Variants in TMEFF2 observed in about 807,000 individuals in gnomAD.
TMEFF2 encodes the protein transmembrane protein with EGF like and two follistatin like domains 2, also known as tomoregulin-2.
A neutral mutation model predicts 53.8 loss-of-function variants in TMEFF2; 28 were observed. The observed-to-expected ratio is 0.52, with a 90% CI of 0.39 to 0.71. TMEFF2 has a LOEUF of 0.71. Ranked by LOEUF, TMEFF2 falls within the 30% of genes least tolerant of loss-of-function variation. TMEFF2 has a pLI of 0.00. For synonymous variants in TMEFF2, 162 were observed against 166.3 expected (o/e 0.97, Z 0.20); for missense variants, 353 against 455.2 (o/e 0.78, Z 2.04).
chr2:192,047,769 C>A (rs188309518), intron 5 of TMEFF2, among the ~76,000 whole-genome samples: 12 of 152,248 alleles, frequency 7.9e-5, no homozygotes, highest in African/African-American at 2.9e-4. Flanking sequence ...TTTGTTCAAT[C>A]ATTTATTAGA....
At chr2:192,192,440 C>T (rs768495296) in intron 1 of TMEFF2, among the ~76,000 whole-genome samples, 1 of 152,106 alleles carries the variant, frequency 6.6e-6, no homozygotes, top group Non-Finnish European at 1.5e-5. Context: ...ACGACTGAAA[C>T]AACCCCTTAT....
At chr2:191,959,624 A>ATGTG (rs10687431) in intron 7 of TMEFF2, among the ~76,000 whole-genome samples, 148,662 of 152,118 alleles carry the variant, frequency 0.98, 72,690 homozygotes, top group Middle Eastern at 1. Context: ...CAGTATGTAC[A>ATGTG]TGTGTGTGTA....
At chr2:191,985,032 C>A (rs973105852) in intron 7 of TMEFF2, among the ~76,000 whole-genome samples, 7 of 152,064 alleles carry the variant, frequency 4.6e-5, no homozygotes, top group Non-Finnish European at 8.8e-5. Context: ...ATTATGCTAT[C>A]CAAATGAAAC....
chr2:192,107,611 A>G (rs1174972541), intron 4 of TMEFF2, among the ~76,000 whole-genome samples: 1 of 151,786 alleles, frequency 6.6e-6, no homozygotes, highest in Non-Finnish European at 1.5e-5. Context: ...CTGATAGTCT[A>G]TCAAAACAAG....
chr2:191,989,350 G>T (rs919277177), intron 7 of TMEFF2, among the ~76,000 whole-genome samples: 1 of 152,170 alleles, frequency 6.6e-6, no homozygotes, highest in Non-Finnish European at 1.5e-5. Context: ...GTTAGAGCAA[G>T]TTATGACAGT....
intron 4 of TMEFF2, among the ~76,000 whole-genome samples, chr2:192,089,414 T>TA (rs1177971814): frequency 1.3e-5 from 2 of 152,212 alleles, no homozygotes; most frequent in African/African-American, 4.8e-5. Context: ...GCTCTTGAAA[T>TA]TCTGTGATAA....
intron 5 of TMEFF2, among the ~76,000 whole-genome samples, chr2:192,039,348 C>T (rs1023882700): frequency 5.3e-5 from 8 of 152,174 alleles, no homozygotes; most frequent in African/African-American, 1.2e-4. Flanking sequence ...ATTGGATGTT[C>T]TAAACCCATA....
chr2:192,045,285 G>A (rs1408836144), intron 5 of TMEFF2, among the ~76,000 whole-genome samples: 1 of 152,170 alleles, frequency 6.6e-6, no homozygotes, highest in Non-Finnish European at 1.5e-5. Flanking sequence ...TGTTCACTTT[G>A]CTTGGGAGAA....
At chr2:192,096,670 C>CTCTTTTTTT (rs61068218) in intron 4 of TMEFF2, among the ~76,000 whole-genome samples, 1 of 53,686 alleles carries the variant, frequency 1.9e-5, no homozygotes, top group African/African-American at 1.3e-4. Context: ...CTCTCTCTCT[C>CTCTTTTTTT]TTTTTTTTTT....
chr2:192,122,035 GAA>G (rs1689568375), intron 4 of TMEFF2, among the ~76,000 whole-genome samples: 1 of 152,114 alleles, frequency 6.6e-6, no homozygotes, highest in South Asian at 2.1e-4. Flanking sequence ...AAAATAGCTG[GAA>G]GAGAGAATTT....
chr2:192,137,425 C>T (rs952566006), intron 4 of TMEFF2, among the ~76,000 whole-genome samples: 3 of 152,044 alleles, frequency 2.0e-5, no homozygotes, highest in Admixed American at 6.6e-5. Flanking sequence ...AATGAAAGTG[C>T]GGAGAGGATG....
chr2:192,145,596 A>G (rs1690231536), intron 4 of TMEFF2, among the ~76,000 whole-genome samples: 1 of 152,004 alleles, frequency 6.6e-6, no homozygotes, highest in Non-Finnish European at 1.5e-5. Flanking sequence ...TCTTTTGGGG[A>G]TGGCTCTTCT....
At chr2:192,065,962 G>A (rs1688160349) in intron 4 of TMEFF2, among the ~76,000 whole-genome samples, 2 of 151,682 alleles carry the variant, frequency 1.3e-5, no homozygotes, top group Non-Finnish European at 3.0e-5. Flanking sequence ...GTATTTAAAT[G>A]ATGGAAGCTG....
chr2:191,987,749 G>A (rs1299034079), intron 7 of TMEFF2, among the ~76,000 whole-genome samples: 1 of 152,148 alleles, frequency 6.6e-6, no homozygotes. Flanking sequence ...AAGCTCTTCT[G>A]CAAAATGCTA....
intron 7 of TMEFF2, among the ~76,000 whole-genome samples, chr2:191,995,417 G>C (rs146059153): frequency 1.2e-4 from 18 of 152,120 alleles, no homozygotes; most frequent in African/African-American, 4.3e-4. Context: ...GGGAGAGTCC[G>C]TGAATGTGTG....
chr2:192,070,150 C>G (rs1465103825), intron 4 of TMEFF2, among the ~76,000 whole-genome samples: 2 of 150,866 alleles, frequency 1.3e-5, no homozygotes. Flanking sequence ...GGACATTATA[C>G]AAAATATTGA....
chr2:192,125,788 C>T (rs1389485597), intron 4 of TMEFF2, among the ~76,000 whole-genome samples: 3 of 152,168 alleles, frequency 2.0e-5, no homozygotes, highest in South Asian at 2.1e-4. Context: ...AAACCAAACA[C>T]TACATGTTCT....
chr2:192,138,770 A>G (rs956596798), intron 4 of TMEFF2, among the ~76,000 whole-genome samples: 1 of 152,204 alleles, frequency 6.6e-6, no homozygotes, highest in African/African-American at 2.4e-5. Context: ...AGAGGAGCTT[A>G]TTCCTGAATC....
At chr2:192,176,984 G>T (rs1184101193) in intron 4 of TMEFF2, 4 of 150,948 alleles carry the variant, frequency 2.6e-5, no homozygotes, top group Non-Finnish European at 4.5e-5. Context: ...CTCCATTTTG[G>T]AATTATATTA....
Sources: gnomAD v4.1 joint callset for allele counts (sites outside exome capture counted in the v4.1 genomes callset) on GRCh38, gnomAD v4.1.1 for gene constraint, MANE v1.5 for transcripts, NCBI Gene and HGNC (gene_info 2026-07-23, HGNC 2026-07-21) for gene names.